Variants in TATDN3 observed in about 807,000 individuals in gnomAD.
TATDN3 encodes the protein TatD DNase domain containing 3.
Under a neutral mutation model 40.1 loss-of-function variants are expected in TATDN3, and 29 were observed. That is an observed-to-expected ratio of 0.72 (90% confidence interval 0.54 to 0.99). TATDN3 has a LOEUF of 0.99. Ranked by LOEUF, TATDN3 falls within the 50% of genes least tolerant of loss-of-function variation. The pLI is 0.00. For missense variants in TATDN3, 309 were observed against 321.9 expected (o/e 0.96, Z 0.31); for synonymous variants, 105 against 117.0 (o/e 0.90, Z 0.66).
chr1:212,798,554 AAAAAG>A (rs1236219044), intron 4 of TATDN3, among the ~76,000 whole-genome samples: 5 of 149,062 alleles, frequency 3.4e-5, no homozygotes, highest in African/African-American at 5.0e-5. Flanking sequence ...AAAAAAAAAA[AAAAAG>A]AAAAGAAAAT....
chr1:212,797,118 TG>T lies in TATDN3; in HGVS notation c.183del (p.Phe62LeufsTer24). ...GTTGGTTCTACATTTTTAGGTATAA[TG>T]GGTTTGTCCTGCCATGCTTGGGTGT... ...KIMQLSERYN[G>X]FVLPCLGVHP... On this transcript the variant is annotated frameshift_variant, in exon 4 of 10. Coordinates refer to ENST00000366974, the MANE Select transcript of TATDN3 (RefSeq NM_001042552.3). LOFTEE classifies it high-confidence loss of function. The T allele has an allele frequency of 1.2e-6, 2 of 1,613,984 alleles. No homozygotes were observed. Among genetic ancestry groups the T allele is most frequent in the Non-Finnish European group, 1.7e-6 (2 of 1,179,858 alleles).
chr1:212,794,865 C>T (rs1374802132), intron 1 of TATDN3: 1 of 645,414 alleles, frequency 1.5e-6, no homozygotes, highest in Non-Finnish European at 2.9e-6. Flanking sequence ...GAGAAATACC[C>T]TGTATATTTG....
intron 7 of TATDN3, 96 bp downstream of exon 7, chr1:212,804,747 T>C (rs1042342735): frequency 9.8e-6 from 11 of 1,128,158 alleles, no homozygotes; most frequent in African/African-American, 4.7e-5. Context: ...TCTGATTTCT[T>C]GAAGGGCAGG....
chr1:212,792,032 G>C, intron 1 of TATDN3, 45 bp downstream of exon 1: 1 of 1,585,710 alleles, frequency 6.3e-7, no homozygotes, highest in South Asian at 1.1e-5. Context: ...GGAGGCCCCC[G>C]TCCTTTCCCC....
chr1:212,806,880 ATG>A lies in TATDN3; in HGVS notation c.488-854_488-853del, dbSNP rs1344755966. 7.4e-3 allele frequency among the ~76,000 whole-genome samples: 685 copies of A among 92,258 alleles called. 34 individuals are homozygous for A. Among genetic ancestry groups the A allele is most frequent in the Middle Eastern group, 0.025 (5 of 202 alleles). 60.5% of individuals were successfully genotyped at this position (92,258 alleles called of 152,430 possible). ...CATATGTATATACACATATATACAT[ATG>A]TATATACACATATATACATATGTAT... On this transcript the variant is annotated intron_variant, in intron 7 of 9. Transcript: ENST00000366974.
chr1:212,806,781 TATACACACACACACACAC>T (rs1662521505), intron 7 of TATDN3, among the ~76,000 whole-genome samples: 1 of 94,458 alleles, frequency 1.1e-5, no homozygotes, highest in Non-Finnish European at 2.1e-5. Context: ...TATATATATA[TATACACACACACACACAC>T]ATATATACAC....
rs560119253 is a variant in TATDN3 at position 212,816,525 on chromosome 1, A to G, written c.*1369A>G. 3 of 152,234 alleles carry G rather than the reference A, an allele frequency of 2.0e-5. No homozygotes were observed. Among genetic ancestry groups the G allele is most frequent in the African/African-American group, 7.2e-5 (3 of 41,458 alleles). The allele number at this position is 152,234 out of a possible 1,614,324, so 9.4% of individuals were successfully genotyped here. On this transcript the variant is annotated 3_prime_UTR_variant, in exon 10 of 10. Transcript: ENST00000366974. The stretch of plus-strand genomic sequence containing the variant: ...TATATGTAGTTTAACAGGTGTGGTC[A>G]ATATCAAAACTTAGGTATTTAATCT...
chr1:212,806,926 A>ATATACACATATATACATATG (rs1662573855), intron 7 of TATDN3, among the ~76,000 whole-genome samples: 2 of 78,738 alleles, frequency 2.5e-5, no homozygotes, highest in African/African-American at 4.4e-5. Flanking sequence ...ATATACATAT[A>ATATACACATATATACATATG]TATATATTTA....
chr1:212,804,569 A>G, intron 6 of TATDN3, 27 bp from the exon 7 acceptor site: 1 of 1,607,132 alleles, frequency 6.2e-7, no homozygotes, highest in Non-Finnish European at 8.5e-7. Context: ...AATGGTACTT[A>G]AAAGAAATGT....
chr1:212,811,691 T>G (rs1414812540), intron 8 of TATDN3, among the ~76,000 whole-genome samples: 1 of 151,536 alleles, frequency 6.6e-6, no homozygotes, highest in African/African-American at 2.4e-5. Flanking sequence ...ATTTGTATTT[T>G]TATTTTATTA....
Position 212,815,110 on chromosome 1 carries a change from A to G in TATDN3, c.779A>G (p.Asn260Ser), listed in dbSNP as rs766027360. The change falls in exon 10 of 10, where the codon AAT (asparagine) becomes AGT (serine). Residue 260 changes from asparagine (N) to serine (S), a missense_variant. Asn to Ser is a conservative substitution (Grantham distance 46, BLOSUM62 1). Coordinates refer to ENST00000366974, the MANE Select transcript of TATDN3 (RefSeq NM_001042552.3). Reference protein sequence around the residue: ...VEEVIEVTTQNALKLFPKLRH... With the variant: ...VEEVIEVTTQSALKLFPKLRH... Reference sequence around the variant, plus strand: ...GAAGTTATAGAAGTGACGACACAGAATGCATTAAAACTGTTTCCTAAGCTC... The same window carrying G: ...GAAGTTATAGAAGTGACGACACAGAGTGCATTAAAACTGTTTCCTAAGCTC... 3 of 1,614,096 alleles carry G rather than the reference A, an allele frequency of 1.9e-6. No homozygotes were observed. The highest frequency in any genetic ancestry group is 2.5e-6 in the Non-Finnish European group (3 of 1,180,000).
At chr1:212,793,294 C>T (rs548095744) in intron 1 of TATDN3, among the ~76,000 whole-genome samples, 1 of 152,210 alleles carries the variant, frequency 6.6e-6, no homozygotes, top group Admixed American at 6.5e-5. Context: ...GTCATTGCAA[C>T]CTCCACCTCC....
At position 212,816,461 on chromosome 1, in the gene TATDN3, TTTATG is replaced by T. The variant is rs775125250; in HGVS notation, c.*1312_*1316del. 1.1e-3 allele frequency: 164 copies of T among 152,346 alleles called. 2 individuals are homozygous for T. Among genetic ancestry groups the T allele is most frequent in the African/African-American group, 3.3e-3 (136 of 41,574 alleles). The allele number at this position is 152,346 out of a possible 1,614,324, so 9.4% of individuals were successfully genotyped here. A position where few individuals can be genotyped will look rare whatever the true frequency, so the allele number is the denominator to read the frequency against. On this transcript the variant is annotated 3_prime_UTR_variant, in exon 10 of 10. Coordinates refer to ENST00000366974, the MANE Select transcript of TATDN3 (RefSeq NM_001042552.3). ...ACACTTATAACGAATTAGGATAAAT[TTTATG>T]TTATGTGTATTTACTACAATTTTTT...
chr1:212,804,630 A>G lies in TATDN3; in HGVS notation c.466A>G (p.Ile156Val), dbSNP rs776092687. 5.0e-6 allele frequency: 8 copies of G among 1,613,672 alleles called. No homozygotes were observed. The highest frequency in any genetic ancestry group is 6.8e-6 in the Non-Finnish European group (8 of 1,179,836). Residue 156 changes from isoleucine (I) to valine (V), a missense_variant, in exon 7 of 10, where the codon ATC (isoleucine) becomes GTC (valine). By Grantham distance (29) the Ile-to-Val change is conservative (BLOSUM62 3). Transcript: ENST00000366974. ...CTCACGCTCTGCTGGAAGACCTACC[A>G]TCAACCTTTTACAAGAGCAAGGTAT... ...VHSRSAGRPT[I>V]NLLQEQGAEK...
At chr1:212,794,744 C>G (rs779620299) in intron 1 of TATDN3, 1 of 480,284 alleles carries the variant, frequency 2.1e-6, no homozygotes, top group Non-Finnish European at 4.1e-6. Context: ...AAGTAGCCAC[C>G]AATGAGAGAG....
chr1:212,805,259 C>G (rs116190250), intron 7 of TATDN3, among the ~76,000 whole-genome samples: 3,454 of 138,630 alleles, frequency 0.025, 63 homozygotes, highest in South Asian at 0.045. Flanking sequence ...CCGTGCCCAC[C>G]CTATTTTATT....
Position 212,806,779 on chromosome 1 carries a change from TATATAC to T in TATDN3, c.488-955_488-950del, listed in dbSNP as rs1188369552. ...ATATATATATATATATATATATATATATATACACACACACACACACATATATACACA... is the reference window on the plus strand; with the variant it reads ...ATATATATATATATATATATATATATACACACACACACACATATATACACA... On this transcript the variant is annotated intron_variant, in intron 7 of 9. Transcript: ENST00000366974. Among the ~76,000 whole-genome samples, 132 of 108,344 alleles carry T rather than the reference TATATAC, an allele frequency of 1.2e-3. 22 individuals carry two copies. The highest frequency in any genetic ancestry group is 0.011 in the South Asian group (36 of 3,166). The allele number at this position is 108,344 out of a possible 152,430, so 71.1% of individuals were successfully genotyped here.
rs1446261865 is a variant in TATDN3 at position 212,806,819 on chromosome 1, C to CAT, written c.488-911_488-910dup. ...ACACACATATATACACATATATACA[C>CAT]ATATATACATATATATACATATATA... On this transcript the variant is annotated intron_variant, in intron 7 of 9. Coordinates refer to ENST00000366974, the MANE Select transcript of TATDN3 (RefSeq NM_001042552.3). Among the ~76,000 whole-genome samples the CAT allele has an allele frequency of 1.1e-3, 63 of 59,310 alleles. 8 individuals are homozygous for CAT. The highest frequency in any genetic ancestry group is 2.1e-3 in the Non-Finnish European group (53 of 25,396). 38.9% of individuals were successfully genotyped at this position (59,310 alleles called of 152,430 possible). A position where few individuals can be genotyped will look rare whatever the true frequency, so the allele number is the denominator to read the frequency against.
Position 212,812,270 on chromosome 1 carries a change from T to G in TATDN3, c.623T>G (p.Leu208Trp). 6.3e-7 allele frequency: 1 copy of G among 1,580,260 alleles called. No homozygotes were observed. The highest frequency in any genetic ancestry group is 8.5e-7 in the Non-Finnish European group (1 of 1,170,106). ...SGQKQKLVKQ[L>W]PLTSICLETD... ...AAGAAGCAGAAACTTGTGAAACAATTGCCTTTAACTTCTATATGCTTAGAA... is the reference window on the plus strand; with the variant it reads ...AAGAAGCAGAAACTTGTGAAACAATGGCCTTTAACTTCTATATGCTTAGAA... Residue 208 changes from leucine to tryptophan, a missense_variant, in exon 9 of 10, where the codon TTG becomes TGG. By Grantham distance (61) the Leu-to-Trp change is moderately conservative. Coordinates refer to ENST00000366974, the MANE Select transcript of TATDN3 (RefSeq NM_001042552.3).
Sources: allele counts gnomAD v4.1 joint callset (sites outside exome capture counted in the v4.1 genomes callset), GRCh38; gene constraint gnomAD v4.1.1; transcripts MANE v1.5; gene names NCBI Gene and HGNC (gene_info 2026-07-23, HGNC 2026-07-21).